DAB1: variants seen among roughly 807,000 people sequenced by gnomAD.
The protein encoded by DAB1 is disabled homolog 1.
Under a neutral mutation model 64.6 loss-of-function variants are expected in DAB1, and 15 were observed. That is an observed-to-expected ratio of 0.23 (90% CI 0.16 to 0.36). The LOEUF is 0.36. Among genes scored for constraint, DAB1 ranks in the 10% least tolerant of loss-of-function variants. The pLI is 1.00. For synonymous variants in DAB1, 235 were observed against 251.9 expected, an observed-to-expected ratio of 0.93 and a Z score of 0.64; for missense variants, 596 against 706.7, an observed-to-expected ratio of 0.84 and a Z score of 1.78.
At chr1:58,533,881 T>G (rs575313831) in intron 1 of DAB1, 6 of 805,922 alleles carry the variant, frequency 7.4e-6, no homozygotes, top group South Asian at 5.6e-5. Context: ...AAAAAATCAG[T>G]TCTTTAAAAG....
chr1:57,233,710 G>T (rs1177727157), intron 2 of DAB1, among the ~76,000 whole-genome samples: 1 of 151,652 alleles, frequency 6.6e-6, no homozygotes, highest in Non-Finnish European at 1.5e-5. Context: ...AGTGAGCCGA[G>T]ATCGTGCCAC....
intron 7 of DAB1, among the ~76,000 whole-genome samples, chr1:57,591,779 C>A (rs187908768): frequency 9.8e-5 from 15 of 152,352 alleles, no homozygotes; most frequent in Admixed American, 8.5e-4. Context: ...CAGTGCACAT[C>A]TGCCTCAGAC....
intron 6 of DAB1, among the ~76,000 whole-genome samples, chr1:57,679,659 G>A (rs191203651): frequency 1.0e-3 from 152 of 152,274 alleles, no homozygotes; most frequent in African/African-American, 1.7e-3. Flanking sequence ...ACAAGCACAC[G>A]CACACACGCC....
At chr1:57,086,578 A>G (rs141614818) in intron 4 of DAB1, among the ~76,000 whole-genome samples, 114 of 151,912 alleles carry the variant, frequency 7.5e-4, no homozygotes, top group Non-Finnish European at 1.4e-3. Context: ...TTCCTGGTCT[A>G]CAGTCCGTGA....
At chr1:58,197,510 G>A (rs2100251477) in intron 4 of DAB1, among the ~76,000 whole-genome samples, 1 of 151,490 alleles carries the variant, frequency 6.6e-6, no homozygotes, top group East Asian at 2.0e-4. Flanking sequence ...TCCTGCCTCA[G>A]CCTCCCGAGT....
At chr1:57,475,266 G>A (rs1643922765) in intron 7 of DAB1, among the ~76,000 whole-genome samples, 1 of 152,166 alleles carries the variant, frequency 6.6e-6, no homozygotes, top group East Asian at 1.9e-4. Context: ...GACAGAGCAA[G>A]ACTCTGTCCC....
At chr1:57,424,691 C>T (rs1049292970), upstream of DAB1, among the ~76,000 whole-genome samples, 11 of 152,164 alleles carry the variant, frequency 7.2e-5, no homozygotes, top group Non-Finnish European at 1.6e-4. Context: ...CCCCCACGCC[C>T]CTTGGCAGGA....
At chr1:58,529,885 TTTTA>T (rs1271730488) in intron 1 of DAB1, among the ~76,000 whole-genome samples, 1 of 152,088 alleles carries the variant, frequency 6.6e-6, no homozygotes, top group Non-Finnish European at 1.5e-5. Flanking sequence ...TTATTTTTAT[TTTTA>T]TTTTTTTTTG....
intron 6 of DAB1, among the ~76,000 whole-genome samples, chr1:57,753,699 C>A (rs1648658708): frequency 6.6e-6 from 1 of 152,190 alleles, no homozygotes; most frequent in Non-Finnish European, 1.5e-5. Context: ...AGCTCATCAT[C>A]ACACTTGTTA....
At chr1:58,230,543 G>A (rs899783624) in intron 4 of DAB1, among the ~76,000 whole-genome samples, 1 of 152,144 alleles carries the variant, frequency 6.6e-6, no homozygotes, top group Non-Finnish European at 1.5e-5. Flanking sequence ...CAGCTGGCTT[G>A]ACCACTAACA....
chr1:57,674,808 A>G (rs1208111424), intron 6 of DAB1, among the ~76,000 whole-genome samples: 2 of 152,256 alleles, frequency 1.3e-5, no homozygotes, highest in South Asian at 2.1e-4. Context: ...AGACCCCAAG[A>G]ATAACTAACA....
intron 3 of DAB1, among the ~76,000 whole-genome samples, chr1:57,138,391 C>T (rs139012797): frequency 3.3e-5 from 5 of 152,212 alleles, no homozygotes; most frequent in African/African-American, 7.2e-5. Context: ...GGTGCCGGGA[C>T]CAGTGATTAT....
rs748471713 is a variant in DAB1, at chr1:57,023,557, G to A, written c.869C>T (p.Pro290Leu). 6.2e-7 allele frequency: 1 copy of A among 1,609,380 alleles called. No homozygotes were observed. Residue 290 changes from proline (P) to leucine (L), a missense_variant, in exon 11 of 15, where the codon CCT (proline) becomes CTT (leucine). Around this residue, in one of 3 missense-constraint regions of DAB1, gnomAD observed 377 missense variants for 400.4 expected, o/e 0.94. Transcript: ENST00000371236. ...PASADVFSSV[P>L]FGTAAVPSGY... is the part of the protein sequence containing the mutation. Reference sequence around the variant, plus strand: ...TGAGGGTACAGCAGCAGTGCCGAAAGGTACAGAACTAAACACATCTGCACT... The same window carrying A: ...TGAGGGTACAGCAGCAGTGCCGAAAAGTACAGAACTAAACACATCTGCACT...
At chr1:58,118,493 T>TACAC (rs1261051858) in intron 5 of DAB1, among the ~76,000 whole-genome samples, 3 of 83,974 alleles carry the variant, frequency 3.6e-5, no homozygotes, top group African/African-American at 1.6e-4. Context: ...TATATATATA[T>TACAC]ATATATATAT....
chr1:57,006,113 T>C (rs544406509), intron 14 of DAB1, among the ~76,000 whole-genome samples: 19 of 152,308 alleles, frequency 1.2e-4, no homozygotes, highest in African/African-American at 3.4e-4. Flanking sequence ...AGAGACAGTA[T>C]GGCCCACAAG....
intron 5 of DAB1, among the ~76,000 whole-genome samples, chr1:58,087,951 T>C (rs1348122256): frequency 1.3e-5 from 2 of 152,190 alleles, no homozygotes; most frequent in South Asian, 4.1e-4. Flanking sequence ...GACTTCCTGG[T>C]GTTCCCACTC....
Position 57,952,918 on chromosome 1 carries a change from T to TGACTTGCACCGATCATAATCAC in DAB1, n.388-68778_388-68757dup, listed in dbSNP as rs370889432. 6.8e-3 allele frequency among the ~76,000 whole-genome samples: 1,041 copies of TGACTTGCACCGATCATAATCAC among 152,260 alleles called. 9 individuals carry two copies. The highest frequency in any genetic ancestry group is 0.024 in the African/African-American group (999 of 41,532). ...ATTCTGAATAGCCCTTTGCAAGCTC[T>TGACTTGCACCGATCATAATCAC]GACTTGCACCGATCATAATCACTTT... On this transcript the variant is annotated intron_variant and non_coding_transcript_variant, in intron 5 of 20. Coordinates refer to the DAB1 transcript ENST00000485760.
At chr1:57,177,273 A>G (rs1662432067) in intron 2 of DAB1, among the ~76,000 whole-genome samples, 1 of 152,120 alleles carries the variant, frequency 6.6e-6, no homozygotes, top group Non-Finnish European at 1.5e-5. Flanking sequence ...GATGTTATAT[A>G]CATACACCCA....
chr1:58,472,660 G>A (rs761526661), intron 3 of DAB1, among the ~76,000 whole-genome samples: 2 of 152,210 alleles, frequency 1.3e-5, no homozygotes, highest in Non-Finnish European at 2.9e-5. Context: ...GACCTCACCA[G>A]TAGAGGACAG....
Sources: gnomAD v4.1 joint callset for allele counts (sites outside exome capture counted in the v4.1 genomes callset) on GRCh38, gnomAD v4.1.1 for gene constraint, gnomAD v4.1.1 regional missense constraint, MANE v1.5 for transcripts, NCBI Gene and HGNC (gene_info 2026-07-23, HGNC 2026-07-21) for gene names.